Variants in STARD13 observed in about 807,000 individuals in gnomAD.
The protein encoded by STARD13 is StAR related lipid transfer domain containing 13, also known as stAR-related lipid transfer protein 13.
In STARD13, 62 loss-of-function variants were observed where a neutral mutation model predicts 106.4. That is an observed-to-expected ratio of 0.58 (90% confidence interval 0.48 to 0.72). The LOEUF is 0.72. Among genes scored for constraint, STARD13 ranks in the 30% least tolerant of loss-of-function variants. The probability of loss-of-function intolerance (pLI) is 0.00; values close to 1 mark genes in which losing one functional copy is unlikely to be tolerated. For missense variants in STARD13, 1,387 were observed against 1,424.0 expected (o/e 0.97, Z 0.42); for synonymous variants, 565 against 553.0 (o/e 1.02, Z -0.31).
upstream of STARD13, among the ~76,000 whole-genome samples, chr13:33,352,647 C>T (rs750148742): frequency 2.6e-5 from 4 of 152,342 alleles, no homozygotes; most frequent in South Asian, 2.1e-4. Flanking sequence ...AGATGAAAGA[C>T]GGAAATGATC....
At chr13:33,393,939 A>G in the STARD13 span, among the ~76,000 whole-genome samples, 1 of 152,238 alleles carries the variant, frequency 6.6e-6, no homozygotes, top group African/African-American at 2.4e-5. Context: ...CTAGCATTTT[A>G]CCGAGTAGTT....
chr13:33,259,565 G>A lies in STARD13; in HGVS notation c.169+25905C>T, dbSNP rs552677272. ...CACATCTACATAGTTGTCATGCAAAGAGAGCACTGAAAGTGGTTTGTGCAT... is the reference window on the plus strand; with the variant it reads ...CACATCTACATAGTTGTCATGCAAAAAGAGCACTGAAAGTGGTTTGTGCAT... On this transcript the variant is annotated intron_variant, in intron 1 of 13. Transcript: ENST00000336934. 6.6e-5 allele frequency among the ~76,000 whole-genome samples: 10 copies of A among 152,272 alleles called. No individual in the cohort carries two copies. In the East Asian group the frequency reaches 1.9e-3, roughly 29 times the overall value.
chr13:33,475,382 A>G, the STARD13 span, among the ~76,000 whole-genome samples: 1 of 152,178 alleles, frequency 6.6e-6, no homozygotes, highest in African/African-American at 2.4e-5. Context: ...CTTAGTTTCT[A>G]ATGGAAGGCT....
chr13:33,243,314 G>A (rs1361595527), intron 1 of STARD13, among the ~76,000 whole-genome samples: 5 of 152,160 alleles, frequency 3.3e-5, no homozygotes, highest in African/African-American at 1.2e-4. Flanking sequence ...GGGAATGGTA[G>A]GCATCAAAGA....
upstream of STARD13, chr13:33,350,708 T>C: frequency 9.3e-7 from 1 of 1,075,790 alleles, no homozygotes; most frequent in Non-Finnish European, 1.1e-6. Flanking sequence ...TGGGCGCTCC[T>C]CCACTCCCCT....
intron 1 of STARD13, among the ~76,000 whole-genome samples, chr13:33,343,110 T>A (rs542035152): frequency 6.6e-6 from 1 of 152,270 alleles, no homozygotes; most frequent in Non-Finnish European, 1.5e-5. Context: ...TAGTAGGCAT[T>A]CCAAAGCTAA....
At chr13:33,425,493 C>A in the STARD13 span, among the ~76,000 whole-genome samples, 2 of 152,048 alleles carry the variant, frequency 1.3e-5, no homozygotes, top group Non-Finnish European at 2.9e-5. Context: ...AGAATGTGTG[C>A]ATTTGGGAAA....
intron 3 of STARD13, among the ~76,000 whole-genome samples, chr13:33,164,985 C>T (rs1312271009): frequency 1.3e-5 from 2 of 152,144 alleles, no homozygotes; most frequent in African/African-American, 2.4e-5. Flanking sequence ...CCATCCACAC[C>T]CCCAATCACT....
At chr13:33,168,653 T>A (rs74045697) in intron 1 of STARD13, among the ~76,000 whole-genome samples, 12,302 of 152,280 alleles carry the variant, frequency 0.081, 647 homozygotes, top group East Asian at 0.26. Flanking sequence ...TTCCATTTAC[T>A]ATGATGCTAA....
chr13:33,326,603 G>C (rs1230154018), intron 1 of STARD13, among the ~76,000 whole-genome samples: 2 of 152,114 alleles, frequency 1.3e-5, no homozygotes, highest in African/African-American at 2.4e-5. Context: ...TCCCTGAAAT[G>C]GTTCTTAAAA....
chr13:33,389,640 A>G, the STARD13 span, among the ~76,000 whole-genome samples: 2 of 152,180 alleles, frequency 1.3e-5, no homozygotes, highest in African/African-American at 2.4e-5. Context: ...AATTATTCTT[A>G]TAGTCACATT....
the STARD13 span, among the ~76,000 whole-genome samples, chr13:33,538,793 G>C: frequency 6.8e-6 from 1 of 147,870 alleles, no homozygotes; most frequent in Non-Finnish European, 1.5e-5. Flanking sequence ...TTTTTGAGAC[G>C]GAGTCTGGCT....
the STARD13 span, among the ~76,000 whole-genome samples, chr13:33,508,487 A>G: frequency 1.2e-4 from 18 of 152,196 alleles, no homozygotes; most frequent in Non-Finnish European, 2.4e-4. Context: ...TGGCCTTTCT[A>G]GTCAGAGAAG....
At chr13:33,298,758 T>C (rs1296879729) in intron 1 of STARD13, among the ~76,000 whole-genome samples, 1 of 152,096 alleles carries the variant, frequency 6.6e-6, no homozygotes, top group Non-Finnish European at 1.5e-5. Context: ...AGCAAACTAG[T>C]TGAATGAAGG....
chr13:33,525,670 A>G, the STARD13 span, among the ~76,000 whole-genome samples: 3 of 152,134 alleles, frequency 2.0e-5, no homozygotes, highest in Non-Finnish European at 4.4e-5. Context: ...GTTATCTAGA[A>G]GCCTCTACTG....
chr13:33,370,919 C>A, the STARD13 span, among the ~76,000 whole-genome samples: 1 of 152,174 alleles, frequency 6.6e-6, no homozygotes, highest in Non-Finnish European at 1.5e-5. Flanking sequence ...CCGCTCCCAG[C>A]CACTTTGACA....
At chr13:33,178,985 A>G (rs1164524355) in intron 1 of STARD13, among the ~76,000 whole-genome samples, 3 of 152,242 alleles carry the variant, frequency 2.0e-5, no homozygotes, top group Non-Finnish European at 4.4e-5. Context: ...GCAACTCTTT[A>G]AGGCAAGACT....
At chr13:33,394,848 T>C in the STARD13 span, among the ~76,000 whole-genome samples, 6 of 152,184 alleles carry the variant, frequency 3.9e-5, no homozygotes, top group Non-Finnish European at 8.8e-5. Flanking sequence ...ACAGATGCAA[T>C]GGCCTGAGAG....
At chr13:33,141,190 G>T (rs758369098) in intron 4 of STARD13, among the ~76,000 whole-genome samples, 34 of 152,196 alleles carry the variant, frequency 2.2e-4, no homozygotes, top group Admixed American at 3.3e-4. Flanking sequence ...TTCCTAAAAA[G>T]AATCAATTCA....
Sources: allele counts gnomAD v4.1 joint callset (sites outside exome capture counted in the v4.1 genomes callset), GRCh38; gene constraint gnomAD v4.1.1; transcripts MANE v1.5; gene names NCBI Gene and HGNC (gene_info 2026-07-23, HGNC 2026-07-21).